Variants in KREMEN2 observed in about 807,000 individuals in gnomAD.
KREMEN2 encodes kringle containing transmembrane protein 2, also known as kremen protein 2.
A neutral mutation model predicts 49.8 loss-of-function variants in KREMEN2; 43 were observed. That is an observed-to-expected ratio of 0.86 (90% CI 0.68 to 1.11). The LOEUF (loss-of-function observed/expected upper bound fraction) is 1.11. Among genes scored for constraint, KREMEN2 ranks in the 50% most tolerant of loss-of-function variants. KREMEN2 has a pLI of 0.00. For missense variants in KREMEN2, 686 were observed against 665.7 expected, an observed-to-expected ratio of 1.03 and a Z score of -0.34; for synonymous variants, 355 against 304.9, an observed-to-expected ratio of 1.16 and a Z score of -1.71.
rs1323093817 is a variant in KREMEN2, at chr16:2,967,891, C to T, written c.1260C>T (p.Tyr420=). The change falls in exon 9 of 9, where the codon TAC becomes TAT. Residue 420 remains tyrosine (Y), a synonymous_variant. Transcript: ENST00000303746. ...RGPRRSWAVW[Y]QQPRGVALPC... ...CCAGGAGAAGCTGGGCTGTGTGGTA[C>T]CAACAGCCCCGAGGGGTGGCCTTGC... The T allele has an allele frequency of 6.4e-6, 10 of 1,558,622 alleles. No individual in the cohort carries two copies. In the African/African-American group the frequency reaches 9.5e-5, roughly 15 times the overall value.
At position 2,968,285 on chromosome 16, in the gene KREMEN2, G is replaced by C. The variant is rs1455032568; in HGVS notation, c.*265G>C. ...TCGGAGGTCTTTGAACCCCTCTGGG[G>C]GTGGTCCTGGACTGCCGTCCTCAGT... is the stretch of plus-strand genomic sequence containing the variant. On this transcript the variant is annotated 3_prime_UTR_variant, in exon 9 of 9. Transcript: ENST00000303746. The C allele has an allele frequency of 1.5e-6, 2 of 1,353,262 alleles. No homozygotes were observed. Among genetic ancestry groups the C allele is most frequent in the Admixed American group, 4.0e-5 (2 of 50,210 alleles). The allele number at this position is 1,353,262 out of a possible 1,614,324, so 83.8% of individuals were successfully genotyped here.
At position 2,968,013 on chromosome 16, in the gene KREMEN2, C is replaced by G; in HGVS notation, c.1382C>G (p.Ala461Gly). 1 of 1,556,872 alleles carries G rather than the reference C, an allele frequency of 6.4e-7. No individual in the cohort carries two copies. The highest frequency in any genetic ancestry group is 8.6e-7 in the Non-Finnish European group (1 of 1,157,838). The stretch of plus-strand genomic sequence containing the variant: ...AGCTCCCTGCGCTCGCTCATCTCCG[C>G]TCTCTGACTCTGGGCCCCGAGGGTC... Reference protein sequence around the residue: ...SQSSLRSLISAL With the variant: ...SQSSLRSLISGL Residue 461 changes from alanine to glycine, a missense_variant, in exon 9 of 9, where the codon GCT (alanine) becomes GGT (glycine). Transcript: ENST00000303746.
rs2071877679 is a variant in KREMEN2, at chr16:2,968,064, G to C, written c.*44G>C. ...CGCTGGGCCCGCCGCCGGCGAGATG[G>C]ACACCTGAGATGCTGTGCTGCGCCC... On this transcript the variant is annotated 3_prime_UTR_variant, in exon 9 of 9. Transcript: ENST00000303746. 6.7e-7 allele frequency: 1 copy of C among 1,502,282 alleles called. No homozygotes were observed. The highest frequency in any genetic ancestry group is 9.0e-7 in the Non-Finnish European group (1 of 1,117,076). The allele number at this position is 1,502,282 out of a possible 1,614,324, so 93.1% of individuals were successfully genotyped here. A position where few individuals can be genotyped will look rare whatever the true frequency, so the allele number is the denominator to read the frequency against.
chr16:2,967,460 C>G lies in KREMEN2; in HGVS notation c.1099+15C>G, dbSNP rs1304718058. On this transcript the variant is annotated intron_variant, in intron 7 of 8. Transcript: ENST00000303746. ...CGCGATTGGGGGTGAGGCGGGCGCGCGGGACGGGAGTGAGTCAGGGAGCCG... is the reference window on the plus strand; with the variant it reads ...CGCGATTGGGGGTGAGGCGGGCGCGGGGGACGGGAGTGAGTCAGGGAGCCG... 7.0e-7 allele frequency: 1 copy of G among 1,420,124 alleles called. No homozygotes were observed. The highest frequency in any genetic ancestry group is 2.8e-5 in the East Asian group (1 of 35,320). The allele number at this position is 1,420,124 out of a possible 1,614,324, so 88.0% of individuals were successfully genotyped here.
In KREMEN2 at chr16:2,967,366, C is replaced by A; in HGVS notation, c.1020C>A (p.Ala340=). 1 of 1,404,768 alleles carries A rather than the reference C, an allele frequency of 7.1e-7. No individual in the cohort carries two copies. The highest frequency in any genetic ancestry group is 9.2e-7 in the Non-Finnish European group (1 of 1,091,140). The allele number at this position is 1,404,768 out of a possible 1,614,324, so 87.0% of individuals were successfully genotyped here. A position where few individuals can be genotyped will look rare whatever the true frequency, so the allele number is the denominator to read the frequency against. The part of the protein sequence containing the change: ...AEDPEAPEGS[A]QTPAAPLDGA... ...ACCCAGAGGCCCCCGAGGGCTCGGC[C>A]CAGACCCCCGCGGCGCCCCTCGACG... The change falls in exon 7 of 9, where the codon GCC becomes GCA. Residue 340 remains alanine, a synonymous_variant. Transcript: ENST00000303746.
In KREMEN2 at chr16:2,967,815, G is replaced by C. The variant is rs1391590202; in HGVS notation, c.1184G>C (p.Cys395Ser). 2.6e-6 allele frequency: 4 copies of C among 1,549,942 alleles called. No individual in the cohort carries two copies. In the Admixed American group the frequency reaches 7.8e-5, roughly 30 times the overall value. Reference sequence around the variant, plus strand: ...GATGTCTGCTCCCTCTCTAGGAGCTGTCTGCTGGCTCCGGGAAAAGGGCCC... The same window carrying C: ...GATGTCTGCTCCCTCTCTAGGAGCTCTCTGCTGGCTCCGGGAAAAGGGCCC... ...GLLRPLRRRS[C>S]LLAPGKGPPA... Residue 395 changes from cysteine (C) to serine (S), a missense_variant, in exon 9 of 9, where the codon TGT becomes TCT. Coordinates refer to ENST00000303746, the MANE Select transcript of KREMEN2 (RefSeq NM_172229.3).
chr16:2,967,498 C>G (rs2071854140), intron 7 of KREMEN2, 28 bp from the exon 8 acceptor site: 1 of 1,519,374 alleles, frequency 6.6e-7, no homozygotes, highest in Non-Finnish European at 8.8e-7. Flanking sequence ...CCCTCGCGCC[C>G]ATCCTCACCG....
In KREMEN2 at chr16:2,966,281, A is replaced by G; in HGVS notation, c.362-44A>G. On this transcript the variant is annotated intron_variant, in intron 3 of 8. Transcript: ENST00000303746. This position sits in a 1 kb window ranked among gnomAD's most constrained non-coding sequence, Gnocchi z 8.4. The stretch of plus-strand genomic sequence containing the variant: ...TGGGAACGCTGCTGCATCTGGGAGG[A>G]GGGTTGTTTTCGGAGTCACGGAAGT... The G allele has an allele frequency of 6.2e-7, 1 of 1,613,014 alleles. No homozygotes were observed. Among genetic ancestry groups the G allele is most frequent in the South Asian group, 1.1e-5 (1 of 91,022 alleles).
At position 2,968,367 on chromosome 16, in the gene KREMEN2, GAT is replaced by G. The variant is rs1567375017; in HGVS notation, c.*348_*349del. The stretch of plus-strand genomic sequence containing the variant: ...AAACCCCCACAGATTTTGAATAAAG[GAT>G]CTACTTTGGTACGGGCCTCGAAAGT... On this transcript the variant is annotated 3_prime_UTR_variant, in exon 9 of 9. Coordinates refer to ENST00000303746, the MANE Select transcript of KREMEN2 (RefSeq NM_172229.3). 4 of 1,535,562 alleles carry G rather than the reference GAT, an allele frequency of 2.6e-6. No individual in the cohort carries two copies. In the South Asian group the frequency reaches 4.8e-5, roughly 18 times the overall value.
Position 2,966,965 on chromosome 16 carries a change from C to T in KREMEN2, c.696C>T (p.Ser232=). 1.9e-6 allele frequency: 3 copies of T among 1,555,340 alleles called. No homozygotes were observed. Among genetic ancestry groups the T allele is most frequent in the Non-Finnish European group, 1.7e-6 (2 of 1,149,558 alleles). ...CAGCGCCTCAGGGCGTCATCTACTC[C>T]CCGGACTTCCCGGACGAGTACGGGC... ...NWTAPQGVIY[S]PDFPDEYGPD... is the part of the protein sequence containing the mutation. Residue 232 remains serine (S), a synonymous_variant, in exon 6 of 9, where the codon TCC becomes TCT. Transcript: ENST00000303746. The surrounding 1 kb of genome is among the most constrained non-coding windows in gnomAD (Gnocchi z 8.4).
rs1026489736 is a variant in KREMEN2, at chr16:2,966,342, T to C, written c.379T>C (p.Cys127Arg). 6.2e-7 allele frequency: 1 copy of C among 1,612,164 alleles called. No homozygotes were observed. The highest frequency in any genetic ancestry group is 8.5e-7 in the Non-Finnish European group (1 of 1,179,992). ...CCCCTCAGTGCCAGGCTACCTGGGATGCTTTGTGGACTCAGGGGCACCCCC... is the reference window on the plus strand; with the variant it reads ...CCCCTCAGTGCCAGGCTACCTGGGACGCTTTGTGGACTCAGGGGCACCCCC... ...PSCHMPGYLGCFVDSGAPPAL... is the reference protein window; with the variant it reads ...PSCHMPGYLGRFVDSGAPPAL... Residue 127 changes from cysteine (C) to arginine (R), a missense_variant, in exon 4 of 9, where the codon TGC becomes CGC. Transcript: ENST00000303746. This position sits in a 1 kb window ranked among gnomAD's most constrained non-coding sequence, Gnocchi z 8.4.
rs1161973618 is a variant in KREMEN2 at position 2,967,215 on chromosome 16, G to A, written c.946G>A (p.Ala316Thr). The A allele has an allele frequency of 7.4e-7, 1 of 1,354,220 alleles. No individual in the cohort carries two copies. Among genetic ancestry groups the A allele is most frequent in the South Asian group, 1.8e-5 (1 of 54,208 alleles). The allele number at this position is 1,354,220 out of a possible 1,614,324, so 83.9% of individuals were successfully genotyped here. ...CTTCCGAAGCGACGCGCGCGGCCACGCGCAAGGCTTCGCGCTCACCTACCG... is the reference window on the plus strand; with the variant it reads ...CTTCCGAAGCGACGCGCGCGGCCACACGCAAGGCTTCGCGCTCACCTACCG... ...LTFRSDARGHAQGFALTYRGL... is the reference protein window; with the variant it reads ...LTFRSDARGHTQGFALTYRGL... The change falls in exon 6 of 9, where the codon GCG (alanine) becomes ACG (threonine). Residue 316 changes from alanine to threonine, a missense_variant. Coordinates refer to ENST00000303746, the MANE Select transcript of KREMEN2 (RefSeq NM_172229.3).
Position 2,967,180 on chromosome 16 carries a change from T to C in KREMEN2, c.911T>C (p.Leu304Pro). 1 of 1,371,120 alleles carries C rather than the reference T, an allele frequency of 7.3e-7. No individual in the cohort carries two copies. Among genetic ancestry groups the C allele is most frequent in the Non-Finnish European group, 9.3e-7 (1 of 1,071,760 alleles). 84.9% of individuals were successfully genotyped at this position (1,371,120 alleles called of 1,614,324 possible). ...CCGCTGCGCCTGGGCACTGCCGCGC[T>C]GCTGCTCACCTTCCGAAGCGACGCG... ...SGPLRLGTAA[L>P]LLTFRSDARG... The change falls in exon 6 of 9, where the codon CTG becomes CCG. Residue 304 changes from leucine to proline, a missense_variant. Physicochemically the swap from Leu to Pro is moderately conservative, Grantham distance 98 (BLOSUM62 -3). Transcript: ENST00000303746.
rs760507895 is a variant in KREMEN2 at position 2,967,849 on chromosome 16, G to T, written c.1218G>T (p.Leu406=). Residue 406 remains leucine (L), a synonymous_variant, in exon 9 of 9, where the codon CTG becomes CTT. Coordinates refer to ENST00000303746, the MANE Select transcript of KREMEN2 (RefSeq NM_172229.3). The stretch of plus-strand genomic sequence containing the variant: ...CTCCGGGAAAAGGGCCCCCGGCGCT[G>T]GGGGCTTCCAGGGGCCCCAGGAGAA... ...LLAPGKGPPA[L]GASRGPRRSW... 6.4e-6 allele frequency: 10 copies of T among 1,552,578 alleles called. No homozygotes were observed. In the South Asian group the frequency reaches 1.2e-4, roughly 18 times the overall value.
chr16:2,966,355 CA>C lies in KREMEN2; in HGVS notation c.393del (p.Ala133HisfsTer26). The C allele has an allele frequency of 6.2e-7, 1 of 1,611,934 alleles. No homozygotes were observed. Among genetic ancestry groups the C allele is most frequent in the Non-Finnish European group, 8.5e-7 (1 of 1,180,014 alleles). ...MPGYLGCFVD[S>X]GAPPALSGPS... ...GGCTACCTGGGATGCTTTGTGGACT[CA>C]GGGGCACCCCCAGCCCTCAGCGGCC... On this transcript the variant is annotated frameshift_variant, in exon 4 of 9. Transcript: ENST00000303746. LOFTEE classifies it high-confidence loss of function. The surrounding 1 kb of genome is among the most constrained non-coding windows in gnomAD (Gnocchi z 8.4).
At position 2,968,045 on chromosome 16, in the gene KREMEN2, G is replaced by A; in HGVS notation, c.*25G>A. The A allele has an allele frequency of 6.5e-7, 1 of 1,532,442 alleles. No homozygotes were observed. The highest frequency in any genetic ancestry group is 1.2e-5 in the South Asian group (1 of 84,048). 94.9% of individuals were successfully genotyped at this position (1,532,442 alleles called of 1,614,324 possible). A position where few individuals can be genotyped will look rare whatever the true frequency, so the allele number is the denominator to read the frequency against. Reference sequence around the variant, plus strand: ...ACTCTGGGCCCCGAGGGTCCGCTGGGCCCGCCGCCGGCGAGATGGACACCT... The same window carrying A: ...ACTCTGGGCCCCGAGGGTCCGCTGGACCCGCCGCCGGCGAGATGGACACCT... On this transcript the variant is annotated 3_prime_UTR_variant, in exon 9 of 9. Coordinates refer to ENST00000303746, the MANE Select transcript of KREMEN2 (RefSeq NM_172229.3).
At position 2,967,042 on chromosome 16, in the gene KREMEN2, T is replaced by C; in HGVS notation, c.773T>C (p.Leu258Pro). ...GGCCCGCCAGGCGCCGCGCTGGAGC[T>C]CACCTTCCGCCTCTTCGAGCTGGCC... ...ALGPPGAALELTFRLFELADP... is the reference protein window; with the variant it reads ...ALGPPGAALEPTFRLFELADP... The change falls in exon 6 of 9, where the codon CTC (leucine) becomes CCC (proline). Residue 258 changes from leucine to proline, a missense_variant. By Grantham distance (98) the Leu-to-Pro change is moderately conservative (BLOSUM62 -3). Transcript: ENST00000303746. The C allele has an allele frequency of 6.5e-7, 1 of 1,541,234 alleles. No homozygotes were observed. Among genetic ancestry groups the C allele is most frequent in the Non-Finnish European group, 8.7e-7 (1 of 1,145,122 alleles).
intron 7 of KREMEN2, 40 bp downstream of exon 7, chr16:2,967,485 G>GC (rs2071853470): frequency 1.4e-5 from 21 of 1,489,200 alleles, no homozygotes; most frequent in Non-Finnish European, 1.9e-5. Flanking sequence ...TCAGGGAGCC[G>GC]CCCCCTCGCG....
At position 2,964,963 on chromosome 16, in the gene KREMEN2, C is replaced by T; in HGVS notation, c.199C>T (p.Gln67Ter). Residue 67 changes from glutamine (Q) to a stop codon, truncating the protein, a stop_gained, in exon 2 of 9, where the codon CAG (glutamine) becomes TAG (stop). Transcript: ENST00000303746. LOFTEE classifies it high-confidence loss of function. ...GRPCLFWDQTQQHSYSSASDP... is the reference protein window; with the variant it reads ...GRPCLFWDQT Reference sequence around the variant, plus strand: ...CCCGTGCCTCTTCTGGGACCAGACGCAGCAACACAGCTACAGCAGCGCCAG... The same window carrying T: ...CCCGTGCCTCTTCTGGGACCAGACGTAGCAACACAGCTACAGCAGCGCCAG... 2 of 1,585,586 alleles carry T rather than the reference C, an allele frequency of 1.3e-6. No individual in the cohort carries two copies. Among genetic ancestry groups the T allele is most frequent in the Non-Finnish European group, 1.7e-6 (2 of 1,167,092 alleles).
Sources: allele counts gnomAD v4.1 joint callset, GRCh38; gene constraint gnomAD v4.1.1; non-coding constraint Gnocchi (gnomAD v3.1); transcripts MANE v1.5; gene names NCBI Gene and HGNC (gene_info 2026-07-23, HGNC 2026-07-21).